The following DIP2C variants were observed in gnomAD, a reference collection of about 807,000 sequenced individuals.
The protein encoded by DIP2C is disco-interacting protein 2 homolog C.
In DIP2C, 33 loss-of-function variants were observed where a neutral mutation model predicts 192.4. That is an observed-to-expected ratio of 0.17 (90% CI 0.13 to 0.23). The LOEUF (loss-of-function observed/expected upper bound fraction) is 0.23. Ranked by LOEUF, DIP2C falls within the 10% of genes least tolerant of loss-of-function variation. DIP2C has a pLI of 1.00. For synonymous variants in DIP2C, 979 were observed against 864.1 expected (o/e 1.13, Z -2.33); for missense variants, 1,537 against 2,110.1 (o/e 0.73, Z 5.32).
At chr10:606,194 G>T (rs1852453919) in intron 1 of DIP2C, among the ~76,000 whole-genome samples, 1 of 152,222 alleles carries the variant, frequency 6.6e-6, no homozygotes, top group African/African-American at 2.4e-5. Flanking sequence ...CCTGGGCTGG[G>T]GTGCCAGCCA....
In DIP2C at chr10:414,732, TGTGTGTGTAC is replaced by T. The variant is rs1389351433; in HGVS notation, c.860-632_860-623del. ...ATGTGTGTGTGTGTGTGTGTGTGTG[TGTGTGTGTAC>T]ATATATATATATATAATGTGTATAT... On this transcript the variant is annotated intron_variant, in intron 7 of 36. Coordinates refer to ENST00000280886, the MANE Select transcript of DIP2C (RefSeq NM_014974.3). Among the ~76,000 whole-genome samples the T allele has an allele frequency of 4.8e-4, 41 of 85,810 alleles. 2 individuals carry two copies. The East Asian group carries it at 5.7e-3, about 12-fold the overall frequency. The allele number at this position is 85,810 out of a possible 152,430, so 56.3% of individuals were successfully genotyped here. A position where few individuals can be genotyped will look rare whatever the true frequency, so the allele number is the denominator to read the frequency against.
At chr10:505,824 C>T (rs931544966) in intron 1 of DIP2C, among the ~76,000 whole-genome samples, 1 of 152,136 alleles carries the variant, frequency 6.6e-6, no homozygotes, top group African/African-American at 2.4e-5. Flanking sequence ...TGGGGACCAC[C>T]TGCCCAGCCA....
intron 17 of DIP2C, among the ~76,000 whole-genome samples, chr10:377,919 G>A (rs1288120447): frequency 6.6e-6 from 1 of 152,130 alleles, no homozygotes; most frequent in Non-Finnish European, 1.5e-5. Flanking sequence ...GTACTTTGTA[G>A]TTACAAAGCT....
Position 418,153 on chromosome 10 carries a change from GAGCTCGGACA to G in DIP2C, c.739+902_739+911del, listed in dbSNP as rs1965908309. 1.6e-4 allele frequency among the ~76,000 whole-genome samples: 8 copies of G among 51,200 alleles called. 2 individuals are homozygous for G. The highest frequency in any genetic ancestry group is 6.2e-4 in the African/African-American group (5 of 8,046). 33.6% of individuals were successfully genotyped at this position (51,200 alleles called of 152,430 possible). On this transcript the variant is annotated intron_variant, in intron 6 of 36. Transcript: ENST00000280886. The stretch of plus-strand genomic sequence containing the variant: ...CCTCCCTGTCCACCTGCACCTGTCA[GAGCTCGGACA>G]GGCCTCCCTGTCCACCTGCACCTGT...
chr10:552,457 TTAAC>T (rs1395043369), intron 1 of DIP2C, among the ~76,000 whole-genome samples: 6 of 152,248 alleles, frequency 3.9e-5, no homozygotes, highest in African/African-American at 7.2e-5. Flanking sequence ...TTCGAATACA[TTAAC>T]TATATTTAAG....
intron 22 of DIP2C, among the ~76,000 whole-genome samples, chr10:361,026 G>A (rs374546671): frequency 6.6e-6 from 1 of 152,278 alleles, no homozygotes; most frequent in South Asian, 2.1e-4. Flanking sequence ...CGGGGCAGGG[G>A]ACGTCTGCTA....
chr10:541,442 CGTCTCTCCTGG>C (rs1847978489), intron 1 of DIP2C, among the ~76,000 whole-genome samples: 1 of 150,296 alleles, frequency 6.7e-6, no homozygotes, highest in African/African-American at 2.5e-5. Flanking sequence ...CGACCACACC[CGTCTCTCCTGG>C]ACCCCCCCGA....
chr10:640,593 G>T (rs567035453), intron 1 of DIP2C, among the ~76,000 whole-genome samples: 1 of 152,020 alleles, frequency 6.6e-6, no homozygotes, highest in Admixed American at 6.5e-5. Flanking sequence ...ACGAGGGTGC[G>T]TGCCGGGACG....
intron 5 of DIP2C, among the ~76,000 whole-genome samples, chr10:419,404 C>T: frequency 6.6e-6 from 1 of 152,204 alleles, no homozygotes; most frequent in East Asian, 1.9e-4. Context: ...GCAAATGGAG[C>T]AGAGTTCGGT....
In DIP2C at chr10:348,825, G is replaced by A. The variant is rs967793610; in HGVS notation, c.3110-63C>T. 5.7e-6 allele frequency: 9 copies of A among 1,587,884 alleles called. No individual in the cohort carries two copies. The African/African-American group carries it at 6.8e-5, about 12-fold the overall frequency. ...ACGCTGCTGAGTGCACACTCTCCCT[G>A]TCAGCATCAATGCTTGTCTGGGGCA... On this transcript the variant is annotated intron_variant, in intron 25 of 36. Coordinates refer to ENST00000280886, the MANE Select transcript of DIP2C (RefSeq NM_014974.3).
intron 1 of DIP2C, among the ~76,000 whole-genome samples, chr10:504,412 T>G (rs968396863): frequency 5.3e-5 from 8 of 152,002 alleles, no homozygotes; most frequent in African/African-American, 1.9e-4. Flanking sequence ...TACCTGGAAG[T>G]CCTGGGAGAG....
chr10:562,472 T>A lies in DIP2C; in HGVS notation c.86-75942A>T, dbSNP rs531354715. Among the ~76,000 whole-genome samples the A allele has an allele frequency of 2.0e-5, 3 of 152,360 alleles. No homozygotes were observed. In the South Asian group the frequency reaches 6.2e-4, roughly 32 times the overall value. On this transcript the variant is annotated intron_variant, in intron 1 of 36. Transcript: ENST00000280886. ...CTTCATTTGAATCATGAAGTGAGACTTGTACCTGATACATTACAGAATCTC... is the reference window on the plus strand; with the variant it reads ...CTTCATTTGAATCATGAAGTGAGACATGTACCTGATACATTACAGAATCTC...
At chr10:659,103 C>T (rs1178378264) in intron 1 of DIP2C, among the ~76,000 whole-genome samples, 3 of 152,184 alleles carry the variant, frequency 2.0e-5, no homozygotes, top group African/African-American at 7.2e-5. Context: ...CATATACATA[C>T]ATGTTCATGC....
intron 31 of DIP2C, among the ~76,000 whole-genome samples, chr10:317,957 A>C (rs575728862): frequency 2.0e-5 from 3 of 152,330 alleles, no homozygotes; most frequent in Admixed American, 6.5e-5. Flanking sequence ...GAGAAAGAGG[A>C]GGCATCGCCT....
chr10:546,494 G>A (rs1003228776), intron 1 of DIP2C, among the ~76,000 whole-genome samples: 3 of 152,180 alleles, frequency 2.0e-5, no homozygotes, highest in African/African-American at 7.2e-5. Context: ...AACTCTGGTT[G>A]AAGTTTATGA....
chr10:409,440 C>A (rs1965036168), intron 8 of DIP2C, among the ~76,000 whole-genome samples: 1 of 152,156 alleles, frequency 6.6e-6, no homozygotes, highest in African/African-American at 2.4e-5. Flanking sequence ...TCAAACTCAT[C>A]CTGAGTCCCT....
chr10:564,070 A>AC (rs1428643951), intron 1 of DIP2C, among the ~76,000 whole-genome samples: 1 of 152,258 alleles, frequency 6.6e-6, no homozygotes, highest in Non-Finnish European at 1.5e-5. Flanking sequence ...ATCTGCTAAG[A>AC]TGTGTCATAA....
At chr10:571,515 T>C (rs1341983512) in intron 1 of DIP2C, among the ~76,000 whole-genome samples, 1 of 149,222 alleles carries the variant, frequency 6.7e-6, no homozygotes, top group African/African-American at 2.4e-5. Flanking sequence ...CTTCCCTTCT[T>C]TCCTTTCCTC....
intron 1 of DIP2C, among the ~76,000 whole-genome samples, chr10:500,158 C>T (rs573695865): frequency 6.6e-6 from 1 of 152,354 alleles, no homozygotes; most frequent in South Asian, 2.1e-4. Context: ...TGCCAGGGAC[C>T]CCTGCAGGCA....
Sources: allele counts gnomAD v4.1 joint callset (sites outside exome capture counted in the v4.1 genomes callset), GRCh38; gene constraint gnomAD v4.1.1; transcripts MANE v1.5; gene names NCBI Gene and HGNC (gene_info 2026-07-23, HGNC 2026-07-21).